The following PTPRF variants were observed in gnomAD, a reference collection of about 807,000 sequenced individuals.
PTPRF encodes protein tyrosine phosphatase receptor type F, also known as receptor-type tyrosine-protein phosphatase F.
PTPRF carries 59 observed loss-of-function variants against 201.8 expected under a neutral mutation model. The ratio of observed to expected loss-of-function variants is 0.29; its 90% CI spans 0.24 to 0.36. The LOEUF is 0.36. Among genes scored for constraint, PTPRF ranks in the 10% least tolerant of loss-of-function variants. PTPRF has a pLI of 1.00. For synonymous variants in PTPRF, 1,088 were observed against 1,089.7 expected, an observed-to-expected ratio of 1.00 and a Z score of 0.03; for missense variants, 2,132 against 2,690.5, an observed-to-expected ratio of 0.79 and a Z score of 4.59.
In PTPRF at chr1:43,590,535, G is replaced by A. The variant is rs570314020; in HGVS notation, c.950-437G>A. Among the ~76,000 whole-genome samples, 204 of 152,298 alleles carry A rather than the reference G, an allele frequency of 1.3e-3. 1 individual carries two copies. Among genetic ancestry groups the A allele is most frequent in the African/African-American group, 4.6e-3 (193 of 41,562 alleles). ...TCTTTCTATCCGGGCCAGTCCCTAA[G>A]GAAATATCTCCCCTTCCCCTGCCTA... On this transcript the variant is annotated intron_variant, in intron 8 of 33. Coordinates refer to ENST00000359947, the MANE Select transcript of PTPRF (RefSeq NM_002840.5).
chr1:43,564,390 C>T (rs1390309648), intron 5 of PTPRF, among the ~76,000 whole-genome samples: 7 of 152,286 alleles, frequency 4.6e-5, no homozygotes, highest in Admixed American at 2.0e-4. Context: ...TCATGTGTCT[C>T]GTCCCTGCAT....
chr1:43,559,031 C>T (rs956948896), intron 5 of PTPRF, among the ~76,000 whole-genome samples: 8 of 152,178 alleles, frequency 5.3e-5, no homozygotes, highest in Non-Finnish European at 1.0e-4. Context: ...TTGGACTTCT[C>T]CTGGGGGGCT....
chr1:43,621,837 C>T (rs906273497), intron 33 of PTPRF, 98 bp from the exon 34 acceptor site: 92 of 1,264,066 alleles, frequency 7.3e-5, no homozygotes, highest in Non-Finnish European at 1.6e-5. Flanking sequence ...TGCTCTTGGC[C>T]AGCAGAGGCT....
At chr1:43,532,820 C>T (rs1643729190) in intron 1 of PTPRF, among the ~76,000 whole-genome samples, 1 of 152,150 alleles carries the variant, frequency 6.6e-6, no homozygotes, top group South Asian at 2.1e-4. Flanking sequence ...GCCCCAGGCA[C>T]AGGCCACACT....
chr1:43,616,921 G>A (rs542156979), intron 23 of PTPRF, among the ~76,000 whole-genome samples: 7 of 152,228 alleles, frequency 4.6e-5, no homozygotes, highest in Non-Finnish European at 5.9e-5. Context: ...TCCTGCCCAC[G>A]GGAAGGGCAG....
rs187180248 is a variant in PTPRF, at chr1:43,562,432, G to A, written c.380-7158G>A. Among the ~76,000 whole-genome samples, 15 of 151,976 alleles carry A rather than the reference G, an allele frequency of 9.9e-5. No individual in the cohort carries two copies. In the East Asian group the frequency reaches 2.9e-3, roughly 29 times the overall value. ...CCTGAGAGGACTTTTTTGAAACGGA[G>A]TCTCACTCTGCCACCCAGGCTGGAG... On this transcript the variant is annotated intron_variant, in intron 5 of 33. Coordinates refer to ENST00000359947, the MANE Select transcript of PTPRF (RefSeq NM_002840.5).
rs769296091 is a variant in PTPRF, at chr1:43,617,718, C to T, written c.4196-18C>T. The T allele has an allele frequency of 3.0e-5, 48 of 1,608,440 alleles. No individual in the cohort carries two copies. Among genetic ancestry groups the T allele is most frequent in the Non-Finnish European group, 3.9e-5 (46 of 1,175,900 alleles). ...GGACCCTGTAGTAATGCCCTCCCAC[C>T]TCCTTTCTTATCCATAGGCGTCCCC... is the stretch of plus-strand genomic sequence containing the variant. On this transcript the variant is annotated intron_variant, in intron 24 of 33. Coordinates refer to ENST00000359947, the MANE Select transcript of PTPRF (RefSeq NM_002840.5).
At chr1:43,564,542 C>A (rs1557721336) in intron 5 of PTPRF, among the ~76,000 whole-genome samples, 2 of 152,148 alleles carry the variant, frequency 1.3e-5, no homozygotes, top group South Asian at 4.1e-4. Context: ...CTGCAGGTGC[C>A]CCTCCACATG....
intron 6 of PTPRF, chr1:43,575,977 T>G: frequency 7.4e-7 from 1 of 1,357,032 alleles, no homozygotes; most frequent in Non-Finnish European, 9.8e-7. Context: ...GCCACTGCCG[T>G]CACCTCCACT....
chr1:43,583,286 C>T (rs1260641773), intron 7 of PTPRF, among the ~76,000 whole-genome samples: 1 of 152,170 alleles, frequency 6.6e-6, no homozygotes. Context: ...CATGTTCCTG[C>T]TGCTTGGGTC....
intron 5 of PTPRF, among the ~76,000 whole-genome samples, chr1:43,568,662 T>C (rs2153986449): frequency 6.6e-6 from 1 of 152,322 alleles, no homozygotes; most frequent in East Asian, 1.9e-4. Context: ...TGTCCTGGAC[T>C]TGTGCTTCCA....
rs774799150 is a variant in PTPRF at position 43,605,641 on chromosome 1, G to A, written c.3483+19G>A. On this transcript the variant is annotated intron_variant, in intron 19 of 33. Transcript: ENST00000359947. ...GGACGAGGTACCTGGGGAGGGGATG[G>A]GGACACTGACAGCCCCATTGCAGTG... 1.9e-6 allele frequency: 3 copies of A among 1,609,340 alleles called. No individual in the cohort carries two copies. Among genetic ancestry groups the A allele is most frequent in the Non-Finnish European group, 2.6e-6 (3 of 1,176,012 alleles).
chr1:43,605,726 A>C, intron 19 of PTPRF, 104 bp downstream of exon 19: 1 of 1,125,890 alleles, frequency 8.9e-7, no homozygotes, highest in Admixed American at 2.0e-5. Context: ...TCACTCCCCA[A>C]ATTGAAATCT....
rs1644573912 is a variant in PTPRF at position 43,545,027 on chromosome 1, A to G, written c.-45-4A>G. On this transcript the variant is annotated splice_region_variant and splice_polypyrimidine_tract_variant and intron_variant, in intron 2 of 33. Transcript: ENST00000359947. ...AACTGGCTCTGCCCTTCTCTCCATT[A>G]CAGGTTGATTGTCCTGGGCTGTGGC... 6.7e-7 allele frequency: 1 copy of G among 1,496,996 alleles called. No homozygotes were observed. Among genetic ancestry groups the G allele is most frequent in the Non-Finnish European group, 9.1e-7 (1 of 1,102,632 alleles). The allele number at this position is 1,496,996 out of a possible 1,614,324, so 92.7% of individuals were successfully genotyped here.
intron 6 of PTPRF, among the ~76,000 whole-genome samples, chr1:43,573,780 AT>A (rs962939523): frequency 6.6e-6 from 1 of 152,136 alleles, no homozygotes; most frequent in African/African-American, 2.4e-5. Flanking sequence ...TTACTGTTAG[AT>A]TCTTTCAGAA....
chr1:43,619,152 G>T lies in PTPRF; in HGVS notation c.4596G>T (p.Arg1532=). 1 of 1,613,706 alleles carries T rather than the reference G, an allele frequency of 6.2e-7. No homozygotes were observed. The highest frequency in any genetic ancestry group is 8.5e-7 in the Non-Finnish European group (1 of 1,179,910). The change falls in exon 27 of 34, where the codon CGG becomes CGT. Residue 1532 remains arginine, a synonymous_variant. Transcript: ENST00000359947. Reference sequence around the variant, plus strand: ...CTCCCATCCTGGCCTTCCTACGACGGGTCAAGGCCTGCAACCCCCTAGACG... The same window carrying T: ...CTCCCATCCTGGCCTTCCTACGACGTGTCAAGGCCTGCAACCCCCTAGACG... ...YPTPILAFLR[R]VKACNPLDAG... is the part of the protein sequence containing the mutation.
chr1:43,592,057 G>T, intron 10 of PTPRF, 109 bp downstream of exon 10: 1 of 1,475,178 alleles, frequency 6.8e-7, no homozygotes, highest in Non-Finnish European at 9.3e-7. Context: ...TGTGGGCACA[G>T]CCTCTAAGGT....
At chr1:43,618,250 C>G (rs181433759) in intron 25 of PTPRF, among the ~76,000 whole-genome samples, 1 of 152,132 alleles carries the variant, frequency 6.6e-6, no homozygotes, top group South Asian at 2.1e-4. Flanking sequence ...AACACATCTC[C>G]TAAGTTAATT....
chr1:43,584,838 A>G (rs1342302019), intron 7 of PTPRF, among the ~76,000 whole-genome samples: 1 of 152,158 alleles, frequency 6.6e-6, no homozygotes, highest in African/African-American at 2.4e-5. Flanking sequence ...TGTTATTTTC[A>G]TCAGAGAAAT....
Sources: gnomAD v4.1 joint callset for allele counts (sites outside exome capture counted in the v4.1 genomes callset) on GRCh38, gnomAD v4.1.1 for gene constraint, MANE v1.5 for transcripts, NCBI Gene and HGNC (gene_info 2026-07-23, HGNC 2026-07-21) for gene names.